The following PCMTD1 variants were observed in gnomAD, a reference collection of about 807,000 sequenced individuals.
The protein encoded by PCMTD1 is protein-L-isoaspartate O-methyltransferase domain-containing protein 1.
A neutral mutation model predicts 37.6 loss-of-function variants in PCMTD1; 12 were observed. That is an observed-to-expected ratio of 0.32 (90% confidence interval 0.20 to 0.52). The LOEUF is 0.52. Ranked by LOEUF, PCMTD1 falls within the 20% of genes least tolerant of loss-of-function variation. The probability of loss-of-function intolerance (pLI) is 0.97; values close to 1 mark genes in which losing one functional copy is unlikely to be tolerated. For missense variants in PCMTD1, 235 were observed against 421.3 expected (o/e 0.56, Z 3.87); for synonymous variants, 117 against 135.8 (o/e 0.86, Z 0.96).
At chr8:51,858,614 T>C (rs576114735) in intron 2 of PCMTD1, among the ~76,000 whole-genome samples, 1 of 152,346 alleles carries the variant, frequency 6.6e-6, no homozygotes, top group Non-Finnish European at 1.5e-5. Context: ...CTCAGAAGCC[T>C]GGTGAATTTA....
intron 5 of PCMTD1, chr8:51,827,130 A>G: frequency 9.5e-7 from 1 of 1,056,914 alleles, no homozygotes; most frequent in Non-Finnish European, 1.2e-6. Flanking sequence ...TATTCTCCAT[A>G]CATCCTATTA....
chr8:51,871,653 T>A (rs1464446384), intron 1 of PCMTD1, among the ~76,000 whole-genome samples: 2 of 152,184 alleles, frequency 1.3e-5, no homozygotes, highest in Non-Finnish European at 2.9e-5. Flanking sequence ...AAAAATAACA[T>A]CTTATATTTA....
chr8:51,851,037 G>A (rs1394830591), intron 2 of PCMTD1, among the ~76,000 whole-genome samples: 2 of 152,150 alleles, frequency 1.3e-5, no homozygotes, highest in Non-Finnish European at 2.9e-5. Flanking sequence ...ACTAAGAGAA[G>A]CTGTTCTAAT....
At chr8:51,878,340 G>A (rs528012446) in intron 1 of PCMTD1, among the ~76,000 whole-genome samples, 70 of 151,380 alleles carry the variant, frequency 4.6e-4, no homozygotes, top group African/African-American at 1.6e-3. Context: ...GTGGCCTGGG[G>A]AAGCCAAAAG....
intron 1 of PCMTD1, among the ~76,000 whole-genome samples, chr8:51,893,311 G>A (rs1053303877): frequency 6.6e-6 from 1 of 152,132 alleles, no homozygotes; most frequent in African/African-American, 2.4e-5. Flanking sequence ...AGAAAAAACT[G>A]TAACTTCTGC....
intron 2 of PCMTD1, among the ~76,000 whole-genome samples, chr8:51,848,788 T>C (rs1334089502): frequency 6.6e-6 from 1 of 152,192 alleles, no homozygotes; most frequent in Non-Finnish European, 1.5e-5. Flanking sequence ...GCATTAATAC[T>C]GAATTGTAAA....
chr8:51,827,084 G>C, intron 5 of PCMTD1: 1 of 985,676 alleles, frequency 1.0e-6, no homozygotes, highest in Non-Finnish European at 1.2e-6. Context: ...TCAACAGAAA[G>C]CTATTTTAAC....
At chr8:51,851,896 C>T (rs1159475263) in intron 2 of PCMTD1, among the ~76,000 whole-genome samples, 12 of 152,172 alleles carry the variant, frequency 7.9e-5, no homozygotes, top group Middle Eastern at 3.4e-3. Flanking sequence ...GTGATCCGCC[C>T]GCCTCAGCCT....
Position 51,820,279 on chromosome 8 carries a change from T to C in PCMTD1, c.*72A>G. ...CTGATGAAAGAAATAATTCTCTCTT[T>C]TAACTCCTAACAAATGCTACATTTT... On this transcript the variant is annotated 3_prime_UTR_variant, in exon 6 of 6. Transcript: ENST00000522514. The C allele has an allele frequency of 3.7e-6, 5 of 1,367,718 alleles. No homozygotes were observed. Among genetic ancestry groups the C allele is most frequent in the Non-Finnish European group, 4.8e-6 (5 of 1,038,078 alleles). The allele number at this position is 1,367,718 out of a possible 1,614,324, so 84.7% of individuals were successfully genotyped here.
chr8:51,820,702 C>A lies in PCMTD1; in HGVS notation c.723G>T (p.Arg241Ser). The A allele has an allele frequency of 6.2e-7, 1 of 1,609,220 alleles. No homozygotes were observed. Among genetic ancestry groups the A allele is most frequent in the Non-Finnish European group, 8.5e-7 (1 of 1,178,468 alleles). Reference protein sequence around the residue: ...DSVGLPPCAVRNLQDLARIYI... With the variant: ...DSVGLPPCAVSNLQDLARIYI... ...AAATACGAGCCAAGTCCTGTAGATTCCTGACAGCACAGGGAGCTAAAAACA... is the reference window on the plus strand; with the variant it reads ...AAATACGAGCCAAGTCCTGTAGATTACTGACAGCACAGGGAGCTAAAAACA... Residue 241 changes from arginine (R) to serine (S), a missense_variant, in exon 6 of 6, where the codon AGG (arginine) becomes AGT (serine). By Grantham distance (110) the Arg-to-Ser change is moderately radical. Transcript: ENST00000522514.
chr8:51,896,787 G>A (rs191975112), intron 1 of PCMTD1, among the ~76,000 whole-genome samples: 3 of 151,462 alleles, frequency 2.0e-5, no homozygotes, highest in South Asian at 2.1e-4. Flanking sequence ...AGAAAAAACC[G>A]TAAGGGCAAC....
intron 1 of PCMTD1, among the ~76,000 whole-genome samples, chr8:51,883,194 CAAA>C (rs1413055398): frequency 7.9e-5 from 12 of 151,776 alleles, no homozygotes; most frequent in African/African-American, 2.7e-4. Context: ...AAAATGAGAG[CAAA>C]TCAACAAGGA....
At chr8:51,899,136 G>C (rs768554018), upstream of PCMTD1, 1 of 1,367,726 alleles carries the variant, frequency 7.3e-7, no homozygotes, top group Non-Finnish European at 9.4e-7. Context: ...GGGCACAGGG[G>C]CAGCTCCCCG....
In PCMTD1 at chr8:51,876,438, T is replaced by C. The variant is rs541435328; in HGVS notation, c.-95-15192A>G. Among the ~76,000 whole-genome samples the C allele has an allele frequency of 2.0e-5, 3 of 152,216 alleles. No individual in the cohort carries two copies. The South Asian group carries it at 6.2e-4, about 32-fold the overall frequency. On this transcript the variant is annotated intron_variant, in intron 1 of 5. Coordinates refer to ENST00000522514, the MANE Select transcript of PCMTD1 (RefSeq NM_052937.4). ...TGCAGAAATACACACATATACATAT[T>C]TTTCCTTGCTTATGAAGGCCTAGAA...
intron 1 of PCMTD1, among the ~76,000 whole-genome samples, chr8:51,874,192 C>T (rs1409454534): frequency 1.3e-5 from 2 of 152,204 alleles, no homozygotes; most frequent in African/African-American, 4.8e-5. Flanking sequence ...CAATGCCAGA[C>T]TTGAACCTTA....
In PCMTD1 at chr8:51,820,274, CTCTTT is replaced by C; in HGVS notation, c.*72_*76del. The C allele has an allele frequency of 3.8e-6, 5 of 1,301,110 alleles. No individual in the cohort carries two copies. Among genetic ancestry groups the C allele is most frequent in the Non-Finnish European group, 5.0e-6 (5 of 993,082 alleles). 80.6% of individuals were successfully genotyped at this position (1,301,110 alleles called of 1,614,324 possible). On this transcript the variant is annotated 3_prime_UTR_variant, in exon 6 of 6. Coordinates refer to ENST00000522514, the MANE Select transcript of PCMTD1 (RefSeq NM_052937.4). ...TTGCTCTGATGAAAGAAATAATTCTCTCTTTTAACTCCTAACAAATGCTACATTTT... is the reference window on the plus strand; with the variant it reads ...TTGCTCTGATGAAAGAAATAATTCTCTAACTCCTAACAAATGCTACATTTT...
chr8:51,839,641 G>C, intron 3 of PCMTD1: 1 of 985,254 alleles, frequency 1.0e-6, no homozygotes, highest in Non-Finnish European at 1.2e-6. Context: ...GGAGCTGACT[G>C]AGAGTAGAAA....
Position 51,860,473 on chromosome 8 carries a change from T to G in PCMTD1, c.307+372A>C, listed in dbSNP as rs1315519056. 1.8e-5 allele frequency: 3 copies of G among 168,436 alleles called. No homozygotes were observed. The East Asian group carries it at 4.9e-4, about 27-fold the overall frequency. 10.4% of individuals were successfully genotyped at this position (168,436 alleles called of 1,614,324 possible). A position where few individuals can be genotyped will look rare whatever the true frequency, so the allele number is the denominator to read the frequency against. ...ATCTTATATATCCCACATTCTCCTG[T>G]CTCTCTTAACAAAAACCTGGCACAA... On this transcript the variant is annotated intron_variant, in intron 2 of 5. Coordinates refer to ENST00000522514, the MANE Select transcript of PCMTD1 (RefSeq NM_052937.4).
chr8:51,878,652 G>A (rs1473559262), intron 1 of PCMTD1, among the ~76,000 whole-genome samples: 1 of 152,154 alleles, frequency 6.6e-6, no homozygotes, highest in Non-Finnish European at 1.5e-5. Flanking sequence ...AGGAAATGGA[G>A]GTAGGATGAT....
Sources: allele counts gnomAD v4.1 joint callset (sites outside exome capture counted in the v4.1 genomes callset), GRCh38; gene constraint gnomAD v4.1.1; transcripts MANE v1.5; gene names NCBI Gene and HGNC (gene_info 2026-07-23, HGNC 2026-07-21).